Variants in AP4S1 observed in about 807,000 individuals in gnomAD.
The protein encoded by AP4S1 is adaptor related protein complex 4 subunit sigma 1, also known as AP-4 complex subunit sigma-1.
A neutral mutation model predicts 19.8 loss-of-function variants in AP4S1; 23 were observed. The observed-to-expected ratio is 1.16, with a 90% CI of 0.84 to 1.65. The LOEUF (loss-of-function observed/expected upper bound fraction) is 1.65. AP4S1 is among the 40% of genes most tolerant of loss of function. The probability of loss-of-function intolerance (pLI) is 0.00; values close to 1 mark genes in which losing one functional copy is unlikely to be tolerated. For synonymous variants in AP4S1, 46 were observed against 54.1 expected, an observed-to-expected ratio of 0.85 and a Z score of 0.66; for missense variants, 166 against 172.8, an observed-to-expected ratio of 0.96 and a Z score of 0.22.
chr14:31,083,101 T>G (rs1887739018), intron 5 of AP4S1, among the ~76,000 whole-genome samples: 1 of 152,218 alleles, frequency 6.6e-6, no homozygotes, highest in South Asian at 2.1e-4. Context: ...ATGTGTCGTA[T>G]ATTTACTAGA....
intron 5 of AP4S1, among the ~76,000 whole-genome samples, chr14:31,089,544 T>C (rs960443804): frequency 3.3e-5 from 5 of 152,244 alleles, no homozygotes. Context: ...TTCTCACTTG[T>C]TAAAGGATAA....
At position 31,040,967 on chromosome 14, in the gene AP4S1, C is replaced by T. The variant is rs534491144; in HGVS notation, c.-72+15180C>T. ...CGGGTGCCTGTAAGTCCCAGCTACT[C>T]GGGAGGCTGAGGCAGGAGAATGGTG... On this transcript the variant is annotated intron_variant, in intron 1 of 5. Transcript: ENST00000542754. Among the ~76,000 whole-genome samples, 4 of 149,788 alleles carry T rather than the reference C, an allele frequency of 2.7e-5. No homozygotes were observed. The South Asian group carries it at 6.4e-4, about 24-fold the overall frequency.
chr14:31,036,456 C>G (rs1884781157), intron 1 of AP4S1, among the ~76,000 whole-genome samples: 1 of 152,164 alleles, frequency 6.6e-6, no homozygotes, highest in Non-Finnish European at 1.5e-5. Flanking sequence ...AGCATACTTC[C>G]TGTGGCATCA....
intron 1 of AP4S1, among the ~76,000 whole-genome samples, chr14:31,038,685 A>G (rs1884915809): frequency 6.6e-6 from 1 of 152,220 alleles, no homozygotes; most frequent in Non-Finnish European, 1.5e-5. Flanking sequence ...ACCTTTGGCA[A>G]GTAATTAAAT....
chr14:31,037,534 C>G (rs1007616985), intron 1 of AP4S1, among the ~76,000 whole-genome samples: 1 of 152,134 alleles, frequency 6.6e-6, no homozygotes, highest in African/African-American at 2.4e-5. Context: ...CATCCGACCA[C>G]TATTAAAGTC....
At chr14:31,052,040 G>A (rs760925302) in intron 1 of AP4S1, among the ~76,000 whole-genome samples, 84 of 152,286 alleles carry the variant, frequency 5.5e-4, no homozygotes, top group South Asian at 4.1e-4. Context: ...GGAGGCCAAC[G>A]CAGGAGGATT....
In AP4S1 at chr14:31,066,172, G is replaced by C. The variant is rs1190795878; in HGVS notation, c.-25G>C. 1 of 1,612,418 alleles carries C rather than the reference G, an allele frequency of 6.2e-7. No homozygotes were observed. The highest frequency in any genetic ancestry group is 8.5e-7 in the Non-Finnish European group (1 of 1,179,412). ...TGTCATAACTTTTGAACTGTATTTG[G>C]AAAAATACTGGCCAGGAAAGAAAAA... On this transcript the variant is annotated 5_prime_UTR_variant, in exon 2 of 6. Transcript: ENST00000542754.
chr14:31,046,707 A>G (rs768833337), intron 1 of AP4S1, among the ~76,000 whole-genome samples: 37 of 152,092 alleles, frequency 2.4e-4, no homozygotes, highest in Non-Finnish European at 4.0e-4. Flanking sequence ...TTAGCCGGGC[A>G]TGGTGGTGGG....
intron 1 of AP4S1, among the ~76,000 whole-genome samples, chr14:31,049,209 C>G (rs532013637): frequency 2.6e-5 from 4 of 151,286 alleles, no homozygotes; most frequent in Non-Finnish European, 1.5e-5. Context: ...GTCAGGAGAT[C>G]GAGACCATCC....
intron 1 of AP4S1, chr14:31,026,156 G>T: frequency 1.3e-6 from 2 of 1,486,818 alleles, no homozygotes; most frequent in Non-Finnish European, 8.9e-7. Flanking sequence ...TCCCCGGGCC[G>T]CCACCACCGC....
In AP4S1 at chr14:31,093,077, G is replaced by A. The variant is rs994034106; in HGVS notation, c.*42G>A. 2.7e-5 allele frequency: 42 copies of A among 1,535,782 alleles called. No individual in the cohort carries two copies. The highest frequency in any genetic ancestry group is 4.6e-4 in the Middle Eastern group (2 of 4,340). ...GACAATATGGATTTATCAGAAATGC[G>A]AGTACCGTGGAATACATCTCAACAT... On this transcript the variant is annotated 3_prime_UTR_variant, in exon 6 of 6. Coordinates refer to ENST00000542754, the MANE Select transcript of AP4S1 (RefSeq NM_001128126.3).
intron 1 of AP4S1, among the ~76,000 whole-genome samples, chr14:31,040,353 A>G (rs556343180): frequency 6.6e-6 from 1 of 152,206 alleles, no homozygotes; most frequent in East Asian, 1.9e-4. Flanking sequence ...GGGTTTCGCC[A>G]TATTGCTCAG....
intron 1 of AP4S1, chr14:31,026,245 G>C: frequency 7.3e-7 from 1 of 1,363,474 alleles, no homozygotes; most frequent in Non-Finnish European, 9.4e-7. Context: ...GGAAGGGCCG[G>C]AGAGGGTGGC....
At chr14:31,077,785 G>C (rs1887442781) in intron 4 of AP4S1, among the ~76,000 whole-genome samples, 1 of 149,366 alleles carries the variant, frequency 6.7e-6, no homozygotes, top group South Asian at 2.1e-4. Flanking sequence ...CGCCAGGCTG[G>C]AGTGCAGTGG....
intron 5 of AP4S1, among the ~76,000 whole-genome samples, chr14:31,089,714 A>G (rs1037006892): frequency 3.3e-5 from 5 of 152,178 alleles, no homozygotes; most frequent in African/African-American, 1.2e-4. Context: ...CAGGAGTTAT[A>G]GAGACCAGCC....
At chr14:31,084,660 G>C (rs1887832462) in intron 5 of AP4S1, 2 of 1,553,634 alleles carry the variant, frequency 1.3e-6, no homozygotes, top group East Asian at 4.7e-5. Flanking sequence ...GCTGAAGTGA[G>C]GCCTGAAGAT....
intron 1 of AP4S1, among the ~76,000 whole-genome samples, chr14:31,035,927 T>C (rs1444195246): frequency 1.3e-5 from 2 of 151,990 alleles, no homozygotes; most frequent in African/African-American, 2.4e-5. Flanking sequence ...AGACGGGGTT[T>C]CACCATGTTA....
intron 2 of AP4S1, among the ~76,000 whole-genome samples, chr14:31,067,006 G>T (rs1363314306): frequency 6.6e-6 from 1 of 152,132 alleles, no homozygotes; most frequent in Non-Finnish European, 1.5e-5. Context: ...AGGCTGAAGC[G>T]GGTGGATCAC....
At chr14:31,045,499 C>T (rs1341469246) in intron 1 of AP4S1, among the ~76,000 whole-genome samples, 1 of 152,156 alleles carries the variant, frequency 6.6e-6, no homozygotes, top group Non-Finnish European at 1.5e-5. Context: ...GTCCGTCCTG[C>T]TGCCTTGTGA....
Sources: gnomAD v4.1 joint callset for allele counts (sites outside exome capture counted in the v4.1 genomes callset) on GRCh38, gnomAD v4.1.1 for gene constraint, MANE v1.5 for transcripts, NCBI Gene and HGNC (gene_info 2026-07-23, HGNC 2026-07-21) for gene names.